The following TMEM9 variants were observed in gnomAD, a reference collection of about 807,000 sequenced individuals.
TMEM9 encodes proton-transporting V-type ATPase complex assembly regulator TMEM9.
TMEM9 carries 13 observed loss-of-function variants against 22.8 expected under a neutral mutation model. That is an observed-to-expected ratio of 0.57 (90% confidence interval 0.37 to 0.91). The LOEUF (loss-of-function observed/expected upper bound fraction) is 0.91, where lower values mean the gene tolerates loss of function less well. Among genes scored for constraint, TMEM9 ranks in the 40% least tolerant of loss-of-function variants. The pLI is 0.01. For missense variants in TMEM9, 182 were observed against 238.1 expected (o/e 0.76, Z 1.55); for synonymous variants, 88 against 93.0 (o/e 0.95, Z 0.31).
upstream of TMEM9, among the ~76,000 whole-genome samples, chr1:201,157,629 T>C (rs1033815768): frequency 3.9e-5 from 6 of 152,370 alleles, no homozygotes; most frequent in African/African-American, 1.4e-4. Context: ...TTGAGCACTG[T>C]GCTAGGTGCT....
intron 1 of TMEM9, among the ~76,000 whole-genome samples, chr1:201,160,702 T>C (rs561903566): frequency 3.9e-5 from 6 of 151,966 alleles, no homozygotes; most frequent in South Asian, 4.2e-4. Context: ...TTTGGGAGGC[T>C]GAGGTGGGCA....
At chr1:201,159,692 A>G (rs543829223) in intron 1 of TMEM9, among the ~76,000 whole-genome samples, 70 of 151,760 alleles carry the variant, frequency 4.6e-4, no homozygotes, top group African/African-American at 1.3e-3. Context: ...GATTATAGGC[A>G]TAAGCCCGTA....
At chr1:201,146,547 G>C in intron 3 of TMEM9, 193 bp downstream of exon 3, 2 of 686,394 alleles carry the variant, frequency 2.9e-6, no homozygotes, top group South Asian at 3.1e-5. Context: ...ACTGGAAAGA[G>C]AGCAGAGAAG....
chr1:201,166,070 T>C (rs895099544), intron 1 of TMEM9, among the ~76,000 whole-genome samples: 2 of 152,304 alleles, frequency 1.3e-5, no homozygotes, highest in East Asian at 3.9e-4. Flanking sequence ...CAGTATTGCA[T>C]GTAGCCCCCT....
At chr1:201,143,276 T>C (rs144619158) in intron 4 of TMEM9, among the ~76,000 whole-genome samples, 9 of 152,348 alleles carry the variant, frequency 5.9e-5, no homozygotes, top group Non-Finnish European at 1.0e-4. Flanking sequence ...ATCTCTACCC[T>C]ATCCTTGCAA....
intron 4 of TMEM9, among the ~76,000 whole-genome samples, chr1:201,138,784 T>A (rs906794733): frequency 6.6e-6 from 1 of 152,214 alleles, no homozygotes; most frequent in Admixed American, 6.5e-5. Context: ...GAAAGATGAA[T>A]CATCTTGCTG....
intron 1 of TMEM9, among the ~76,000 whole-genome samples, chr1:201,169,935 C>T (rs549187961): frequency 6.6e-6 from 1 of 152,114 alleles, no homozygotes; most frequent in East Asian, 1.9e-4. Context: ...CCCAGAGAAG[C>T]TAGGTGGTGT....
intron 1 of TMEM9, among the ~76,000 whole-genome samples, chr1:201,165,265 G>C (rs925298281): frequency 3.3e-5 from 5 of 149,370 alleles, no homozygotes; most frequent in African/African-American, 1.2e-4. Context: ...ACTCAGAAAG[G>C]GCTCTTTTAT....
At chr1:201,141,649 G>A (rs1010193849) in intron 4 of TMEM9, among the ~76,000 whole-genome samples, 3 of 152,116 alleles carry the variant, frequency 2.0e-5, no homozygotes, top group Non-Finnish European at 4.4e-5. Context: ...CCTACAGGAG[G>A]GAGCATGGCT....
Position 201,135,601 on chromosome 1 carries a change from T to C in TMEM9, c.*62A>G. ...GGGAAGGGAGAAGTAGCCCCCTGCT[T>C]TGTCCAGCCTGGAAGCTGGCAGCCA... is the stretch of plus-strand genomic sequence containing the variant. On this transcript the variant is annotated 3_prime_UTR_variant, in exon 5 of 5. Transcript: ENST00000367330. 6.8e-7 allele frequency: 1 copy of C among 1,464,776 alleles called. No homozygotes were observed. The allele number at this position is 1,464,776 out of a possible 1,614,324, so 90.7% of individuals were successfully genotyped here. A position where few individuals can be genotyped will look rare whatever the true frequency, so the allele number is the denominator to read the frequency against.
Position 201,135,775 on chromosome 1 carries a change from C to T in TMEM9, c.440G>A (p.Gly147Glu). Reference sequence around the variant, plus strand: ...CTCCAGGACTGTGTTTGCTCGGGGTCCCCCGAGGGATGCAGCAGCTGCTGC... The same window carrying T: ...CTCCAGGACTGTGTTTGCTCGGGGTTCCCCGAGGGATGCAGCAGCTGCTGC... ...SMAAAAASLG[G>E]PRANTVLERV... Residue 147 changes from glycine (G) to glutamate (E), a missense_variant, in exon 5 of 5, where the codon GGA becomes GAA. Transcript: ENST00000367330. The T allele has an allele frequency of 6.2e-7, 1 of 1,612,622 alleles. No homozygotes were observed. Among genetic ancestry groups the T allele is most frequent in the Non-Finnish European group, 8.5e-7 (1 of 1,179,374 alleles).
chr1:201,169,533 T>C (rs1295470662), intron 1 of TMEM9, among the ~76,000 whole-genome samples: 2 of 152,090 alleles, frequency 1.3e-5, no homozygotes, highest in Non-Finnish European at 1.5e-5. Flanking sequence ...GGTAAAGGCC[T>C]CAAACCCTGC....
intron 1 of TMEM9, 86 bp from the exon 2 acceptor site, chr1:201,151,938 G>GTTCCC (rs1665456504): frequency 1.0e-6 from 1 of 1,000,106 alleles, no homozygotes; most frequent in Non-Finnish European, 1.6e-6. Context: ...TCAACTTTCT[G>GTTCCC]TTCCCCATCC....
chr1:201,143,032 G>C (rs1029478902), intron 4 of TMEM9, among the ~76,000 whole-genome samples: 2 of 152,336 alleles, frequency 1.3e-5, no homozygotes, highest in South Asian at 2.1e-4. Flanking sequence ...CAACTTTTTA[G>C]TATGAGGATG....
chr1:201,166,381 A>G (rs1324362869), intron 1 of TMEM9, among the ~76,000 whole-genome samples: 14 of 131,356 alleles, frequency 1.1e-4, no homozygotes, highest in Admixed American at 3.9e-4. Flanking sequence ...TTTTTTTTTG[A>G]TACAGAGTCT....
intron 1 of TMEM9, among the ~76,000 whole-genome samples, chr1:201,170,262 G>A (rs563890835): frequency 6.6e-6 from 1 of 152,224 alleles, no homozygotes; most frequent in South Asian, 2.1e-4. Flanking sequence ...TGGCAGGAAG[G>A]TCAGGACACC....
At chr1:201,165,263 A>C (rs1666046511) in intron 1 of TMEM9, among the ~76,000 whole-genome samples, 1 of 150,278 alleles carries the variant, frequency 6.7e-6, no homozygotes, top group Middle Eastern at 3.4e-3. Flanking sequence ...ATACTCAGAA[A>C]GGGCTCTTTT....
At chr1:201,136,337 C>T (rs542142791) in intron 4 of TMEM9, among the ~76,000 whole-genome samples, 7 of 152,308 alleles carry the variant, frequency 4.6e-5, no homozygotes, top group Non-Finnish European at 1.0e-4. Context: ...CGCCATTGCC[C>T]AGGGGACAGG....
upstream of TMEM9, among the ~76,000 whole-genome samples, chr1:201,157,421 T>G (rs1665829234): frequency 6.6e-6 from 1 of 152,138 alleles, no homozygotes; most frequent in African/African-American, 2.4e-5. Flanking sequence ...CTGCCAGCAT[T>G]CCTCCGTGCA....
Sources: gnomAD v4.1 joint callset for allele counts (sites outside exome capture counted in the v4.1 genomes callset) on GRCh38, gnomAD v4.1.1 for gene constraint, MANE v1.5 for transcripts, NCBI Gene and HGNC (gene_info 2026-07-23, HGNC 2026-07-21) for gene names.